PRKN: variants seen among roughly 807,000 people sequenced by gnomAD.
PRKN encodes E3 ubiquitin-protein ligase parkin.
PRKN carries 56 observed loss-of-function variants against 59.5 expected under a neutral mutation model. The ratio of observed to expected loss-of-function variants is 0.94; its 90% CI spans 0.76 to 1.18. The LOEUF is 1.18. Among genes scored for constraint, PRKN ranks in the 50% most tolerant of loss-of-function variants. PRKN has a pLI of 0.00. For missense variants in PRKN, 657 were observed against 596.4 expected (o/e 1.10, Z -1.06); for synonymous variants, 250 against 222.1 (o/e 1.13, Z -1.12).
At chr6:161,802,914 C>T (rs1313653710) in intron 6 of PRKN, among the ~76,000 whole-genome samples, 1 of 152,016 alleles carries the variant, frequency 6.6e-6, no homozygotes, top group African/African-American at 2.4e-5. Context: ...CCAAAATATG[C>T]CATTTTGGCC....
intron 2 of PRKN, among the ~76,000 whole-genome samples, chr6:162,372,704 GTAAAA>G (rs1785837250): frequency 6.6e-6 from 1 of 152,080 alleles, no homozygotes; most frequent in African/African-American, 2.4e-5. Context: ...CCACCTGAAT[GTAAAA>G]TAAAAGTTGA....
At position 162,691,431 on chromosome 6, in the gene PRKN, G is replaced by A. The variant is rs185481619; in HGVS notation, c.7+36231C>T. On this transcript the variant is annotated intron_variant, in intron 1 of 11. Coordinates refer to ENST00000366898, the MANE Select transcript of PRKN (RefSeq NM_004562.3). ...ATGCCAACTTTTTGCATAATTTCAA[G>A]AATATATTCCAAAAACACCCCCACT... Among the ~76,000 whole-genome samples, 8 of 151,962 alleles carry A rather than the reference G, an allele frequency of 5.3e-5. No individual in the cohort carries two copies. The East Asian group carries it at 1.6e-3, about 29-fold the overall frequency.
At chr6:162,501,014 A>G (rs1239326704) in intron 1 of PRKN, among the ~76,000 whole-genome samples, 3 of 152,128 alleles carry the variant, frequency 2.0e-5, no homozygotes, top group Non-Finnish European at 4.4e-5. Flanking sequence ...AAAAATTTGA[A>G]AAACTAGCCA....
At chr6:161,449,347 T>C (rs1036720817) in intron 9 of PRKN, among the ~76,000 whole-genome samples, 5 of 152,066 alleles carry the variant, frequency 3.3e-5, no homozygotes, top group African/African-American at 1.2e-4. Flanking sequence ...CAAAGAAACA[T>C]AAACTCAAAG....
chr6:161,754,139 G>T (rs1277474796), intron 7 of PRKN, among the ~76,000 whole-genome samples: 1 of 152,140 alleles, frequency 6.6e-6, no homozygotes, highest in Non-Finnish European at 1.5e-5. Context: ...TTCTAGGGGA[G>T]AGAAAGCCTC....
At chr6:162,433,258 A>G (rs1454295072) in intron 2 of PRKN, among the ~76,000 whole-genome samples, 2 of 152,190 alleles carry the variant, frequency 1.3e-5, no homozygotes, top group South Asian at 2.1e-4. Context: ...AGGCATTATT[A>G]CTATCTACAC....
chr6:162,285,554 C>T (rs749784284), intron 2 of PRKN, among the ~76,000 whole-genome samples: 4 of 150,568 alleles, frequency 2.7e-5, no homozygotes, highest in African/African-American at 4.9e-5. Flanking sequence ...CAGTATAGTG[C>T]GTGCTTGTTG....
At chr6:161,711,075 C>A (rs1004392663) in intron 7 of PRKN, among the ~76,000 whole-genome samples, 6 of 151,902 alleles carry the variant, frequency 3.9e-5, no homozygotes, top group African/African-American at 1.2e-4. Flanking sequence ...GATAAGAAAT[C>A]TAAAAACCTA....
At chr6:162,479,266 C>G (rs561203017) in intron 1 of PRKN, among the ~76,000 whole-genome samples, 4 of 151,414 alleles carry the variant, frequency 2.6e-5, no homozygotes, top group Non-Finnish European at 4.4e-5. Flanking sequence ...TGCTCTGTTG[C>G]CCGGGTTGGA....
Position 161,471,662 on chromosome 6 carries a change from G to A in PRKN, c.1083+77192C>T, listed in dbSNP as rs181583663. ...CAGGATTCAAAAACATCCCCCCACCGTCTGACATCACTGGGTAATCTAACA... is the reference window on the plus strand; with the variant it reads ...CAGGATTCAAAAACATCCCCCCACCATCTGACATCACTGGGTAATCTAACA... On this transcript the variant is annotated intron_variant, in intron 9 of 11. Coordinates refer to ENST00000366898, the MANE Select transcript of PRKN (RefSeq NM_004562.3). This position sits in a 1 kb window ranked among gnomAD's most constrained non-coding sequence, Gnocchi z 4.5. Among the ~76,000 whole-genome samples the A allele has an allele frequency of 8.5e-5, 13 of 152,184 alleles. No homozygotes were observed. The highest frequency in any genetic ancestry group is 3.4e-3 in the Middle Eastern group (1 of 294).
At chr6:162,643,360 T>G (rs1778035915) in intron 1 of PRKN, among the ~76,000 whole-genome samples, 1 of 133,750 alleles carries the variant, frequency 7.5e-6, no homozygotes, top group South Asian at 2.3e-4. Flanking sequence ...ATCATGCCAC[T>G]GCATTCCAGC....
chr6:162,583,106 C>T (rs1198644339), intron 1 of PRKN, among the ~76,000 whole-genome samples: 1 of 152,120 alleles, frequency 6.6e-6, no homozygotes, highest in South Asian at 2.1e-4. Flanking sequence ...TCTTTGATCC[C>T]CTCGCTCAGG....
At chr6:162,189,650 C>T (rs977463820) in intron 4 of PRKN, among the ~76,000 whole-genome samples, 13 of 151,544 alleles carry the variant, frequency 8.6e-5, no homozygotes, top group Admixed American at 8.6e-4. Context: ...ACAGGGGGAC[C>T]CAAATAATCA....
At chr6:162,648,759 T>C (rs1015700554) in intron 1 of PRKN, among the ~76,000 whole-genome samples, 1 of 152,080 alleles carries the variant, frequency 6.6e-6, no homozygotes, top group African/African-American at 2.4e-5. Context: ...TCTCATAGAG[T>C]GTGCACAAAC....
chr6:161,686,566 G>T (rs902081592), intron 7 of PRKN, among the ~76,000 whole-genome samples: 4 of 152,178 alleles, frequency 2.6e-5, no homozygotes, highest in African/African-American at 9.7e-5. Flanking sequence ...GGCTTACCAT[G>T]ATCTACGGAA....
intron 4 of PRKN, among the ~76,000 whole-genome samples, chr6:162,093,732 C>A (rs1329656787): frequency 1.3e-5 from 2 of 152,114 alleles, no homozygotes; most frequent in East Asian, 1.9e-4. Flanking sequence ...TTAAGCAGCA[C>A]CGCAGGCATT....
rs2115102411 is a variant in PRKN at position 161,445,381 on chromosome 6, C to T, written c.1084-58504G>A. On this transcript the variant is annotated intron_variant, in intron 9 of 11. Transcript: ENST00000366898. The surrounding 1 kb of genome is among the most constrained non-coding windows in gnomAD (Gnocchi z 7.7). ...ATGAGGGGCTCAGTGGTGCCCCTGG[C>T]CACCGAGTCAAGCAGCGTAGATTGA... is the stretch of plus-strand genomic sequence containing the variant. Among the ~76,000 whole-genome samples, 1 of 152,290 alleles carries T rather than the reference C, an allele frequency of 6.6e-6. No individual in the cohort carries two copies. The highest frequency in any genetic ancestry group is 1.9e-4 in the East Asian group (1 of 5,164).
intron 1 of PRKN, among the ~76,000 whole-genome samples, chr6:162,672,685 A>AGTGTGTGTGTGTGTGTGTGT (rs56722608): frequency 7.4e-5 from 11 of 149,062 alleles, no homozygotes; most frequent in African/African-American, 2.0e-4. Flanking sequence ...TTGGGGGAAA[A>AGTGTGTGTGTGTGTGTGTGT]GTGTGTGTGT....
chr6:162,678,231 T>C (rs896037099), intron 1 of PRKN, among the ~76,000 whole-genome samples: 8 of 152,228 alleles, frequency 5.3e-5, no homozygotes, highest in Non-Finnish European at 1.5e-5. Flanking sequence ...ATTTTCAGTC[T>C]TTGTCTATTA....
Sources: allele counts gnomAD v4.1 joint callset (sites outside exome capture counted in the v4.1 genomes callset), GRCh38; gene constraint gnomAD v4.1.1; non-coding constraint Gnocchi (gnomAD v3.1); transcripts MANE v1.5; gene names NCBI Gene and HGNC (gene_info 2026-07-23, HGNC 2026-07-21).